Variants in FSTL4 observed in about 807,000 individuals in gnomAD.
FSTL4 encodes follistatin-related protein 4.
Under a neutral mutation model 78.2 loss-of-function variants are expected in FSTL4, and 28 were observed. The observed-to-expected ratio is 0.36, with a 90% confidence interval of 0.27 to 0.49. FSTL4 has a LOEUF of 0.49. FSTL4 is among the 20% of genes least tolerant of loss of function. The probability of loss-of-function intolerance (pLI) is 0.98; values close to 1 mark genes in which losing one functional copy is unlikely to be tolerated. For synonymous variants in FSTL4, 422 were observed against 440.5 expected (o/e 0.96, Z 0.53); for missense variants, 922 against 1,084.9 (o/e 0.85, Z 2.11).
At chr5:133,475,365 C>T (rs1487502145) in intron 3 of FSTL4, among the ~76,000 whole-genome samples, 1 of 152,196 alleles carries the variant, frequency 6.6e-6, no homozygotes, top group Non-Finnish European at 1.5e-5. Flanking sequence ...AAGGCGGCGT[C>T]CGACCGTGGG....
chr5:133,734,990 C>T, the FSTL4 span, among the ~76,000 whole-genome samples: 2 of 152,174 alleles, frequency 1.3e-5, no homozygotes, highest in African/African-American at 4.8e-5. Context: ...ACAGGGGGCC[C>T]CATGGGACTG....
rs1750223611 is a variant in FSTL4 at position 133,198,901 on chromosome 5, T to C, written c.*194A>G. On this transcript the variant is annotated 3_prime_UTR_variant, in exon 16 of 16. Transcript: ENST00000265342. ...TCGTAGCTCAAGGCATAAATCATAC[T>C]TCCTAACGAAAAAACCCCAATCTTG... The C allele has an allele frequency of 2.1e-6, 1 of 477,378 alleles. No homozygotes were observed. Among genetic ancestry groups the C allele is most frequent in the East Asian group, 3.0e-5 (1 of 33,680 alleles). 29.6% of individuals were successfully genotyped at this position (477,378 alleles called of 1,614,324 possible).
intron 3 of FSTL4, among the ~76,000 whole-genome samples, chr5:133,481,288 C>A (rs1375718089): frequency 6.6e-6 from 1 of 152,150 alleles, no homozygotes; most frequent in African/African-American, 2.4e-5. Context: ...CATCTGTAAT[C>A]CCAGCACTTG....
chr5:133,290,926 C>G (rs1753248763), intron 6 of FSTL4, among the ~76,000 whole-genome samples: 1 of 152,204 alleles, frequency 6.6e-6, no homozygotes, highest in African/African-American at 2.4e-5. Context: ...GGGAGGAGAT[C>G]GAGCCCAGTG....
chr5:133,470,381 C>A (rs576084470), intron 3 of FSTL4, among the ~76,000 whole-genome samples: 1 of 152,320 alleles, frequency 6.6e-6, no homozygotes, highest in South Asian at 2.1e-4. Flanking sequence ...AAACTAGTAT[C>A]CTCAGTCGGT....
intron 3 of FSTL4, among the ~76,000 whole-genome samples, chr5:133,554,066 G>A (rs913195761): frequency 6.6e-6 from 1 of 152,256 alleles, no homozygotes; most frequent in Non-Finnish European, 1.5e-5. Context: ...GGGTGACCCT[G>A]TGGGGCCTTT....
chr5:133,792,725 T>C, the FSTL4 span, among the ~76,000 whole-genome samples: 1 of 152,168 alleles, frequency 6.6e-6, no homozygotes, highest in African/African-American at 2.4e-5. Flanking sequence ...GTGGAAGTCA[T>C]GGAAAGTCGA....
At chr5:133,494,388 T>C (rs1042394978) in intron 3 of FSTL4, among the ~76,000 whole-genome samples, 1 of 151,778 alleles carries the variant, frequency 6.6e-6, no homozygotes, top group African/African-American at 2.4e-5. Context: ...GTTGTATGAA[T>C]GTGTAATTTA....
the FSTL4 span, among the ~76,000 whole-genome samples, chr5:133,806,308 G>A: frequency 1.3e-5 from 2 of 152,326 alleles, no homozygotes; most frequent in Non-Finnish European, 2.9e-5. Context: ...TAGGAAAGCA[G>A]AGAGTTGGCC....
chr5:133,413,209 C>G (rs942869503), intron 3 of FSTL4, among the ~76,000 whole-genome samples: 1 of 152,130 alleles, frequency 6.6e-6, no homozygotes, highest in South Asian at 2.1e-4. Flanking sequence ...TATGACAATA[C>G]TGTATATTGT....
intron 4 of FSTL4, among the ~76,000 whole-genome samples, chr5:133,330,628 C>CAAAG (rs1754323362): frequency 6.6e-6 from 1 of 152,148 alleles, no homozygotes; most frequent in Admixed American, 6.5e-5. Flanking sequence ...TACAAATATC[C>CAAAG]AAAGAATAAT....
chr5:133,369,587 C>T (rs991152923), intron 4 of FSTL4, among the ~76,000 whole-genome samples: 2 of 152,214 alleles, frequency 1.3e-5, no homozygotes, highest in African/African-American at 4.8e-5. Context: ...AACACCAAGT[C>T]CTGGCACCCA....
chr5:133,573,244 A>T (rs1486012001), intron 2 of FSTL4, among the ~76,000 whole-genome samples: 1 of 37,988 alleles, frequency 2.6e-5, no homozygotes, highest in Non-Finnish European at 5.7e-5. Context: ...GCTCTGTCTC[A>T]AAAAAAAACA....
the FSTL4 span, among the ~76,000 whole-genome samples, chr5:133,781,592 C>T: frequency 1.3e-5 from 2 of 152,112 alleles, no homozygotes; most frequent in South Asian, 4.1e-4. Context: ...GCAGTGTGGC[C>T]CACCACATTA....
At chr5:133,395,033 A>G (rs573252049) in intron 4 of FSTL4, among the ~76,000 whole-genome samples, 1 of 152,260 alleles carries the variant, frequency 6.6e-6, no homozygotes, top group East Asian at 1.9e-4. Context: ...AAACACACCA[A>G]TCAGCACCCT....
chr5:133,373,912 C>T (rs1248991145), intron 4 of FSTL4, among the ~76,000 whole-genome samples: 1 of 152,174 alleles, frequency 6.6e-6, no homozygotes, highest in Non-Finnish European at 1.5e-5. Context: ...GTTATCCCCA[C>T]CCCTCAGGAA....
chr5:133,402,850 C>T (rs866987250), intron 3 of FSTL4, among the ~76,000 whole-genome samples: 24 of 152,316 alleles, frequency 1.6e-4, no homozygotes, highest in Middle Eastern at 6.8e-3. Context: ...ATCCACTTTG[C>T]TAATTGTTCG....
At chr5:133,762,647 T>C in the FSTL4 span, among the ~76,000 whole-genome samples, 3 of 152,202 alleles carry the variant, frequency 2.0e-5, no homozygotes, top group Non-Finnish European at 4.4e-5. Flanking sequence ...CTGCCCTCCA[T>C]GTGTTAATTT....
At chr5:133,568,733 C>A (rs1191954934) in intron 2 of FSTL4, among the ~76,000 whole-genome samples, 2 of 152,192 alleles carry the variant, frequency 1.3e-5, no homozygotes, top group African/African-American at 4.8e-5. Context: ...CCAAACTGTT[C>A]CTCAGTAACC....
Sources: gnomAD v4.1 joint callset for allele counts (sites outside exome capture counted in the v4.1 genomes callset) on GRCh38, gnomAD v4.1.1 for gene constraint, MANE v1.5 for transcripts, NCBI Gene and HGNC (gene_info 2026-07-23, HGNC 2026-07-21) for gene names.